Variants in NFKB1 observed in about 807,000 individuals in gnomAD.
NFKB1 encodes the protein nuclear factor NF-kappa-B p105 subunit.
A neutral mutation model predicts 105.1 loss-of-function variants in NFKB1; 9 were observed. The observed-to-expected ratio is 0.09, with a 90% CI of 0.05 to 0.15. The LOEUF (loss-of-function observed/expected upper bound fraction) is 0.15, where lower values mean the gene tolerates loss of function less well. Ranked by LOEUF, NFKB1 falls within the 10% of genes least tolerant of loss-of-function variation. The probability of loss-of-function intolerance (pLI) is 1.00; values close to 1 mark genes in which losing one functional copy is unlikely to be tolerated. For missense variants in NFKB1, 830 were observed against 1,203.7 expected (o/e 0.69, Z 4.59); for synonymous variants, 440 against 442.2 (o/e 1.00, Z 0.06).
chr4:102,589,572 G>A (rs1726003914), intron 11 of NFKB1, among the ~76,000 whole-genome samples: 1 of 151,766 alleles, frequency 6.6e-6, no homozygotes. Flanking sequence ...TCTTTCAACT[G>A]CAGTTAGATG....
chr4:102,563,949 G>A (rs1175907883), intron 5 of NFKB1, among the ~76,000 whole-genome samples: 1 of 150,980 alleles, frequency 6.6e-6, no homozygotes, highest in Non-Finnish European at 1.5e-5. Context: ...CTGCCGAATA[G>A]CTGGGATTAC....
chr4:102,531,539 A>G lies in NFKB1; in HGVS notation c.118+1625A>G, dbSNP rs77839426. On this transcript the variant is annotated intron_variant, in intron 3 of 23. Transcript: ENST00000226574. Reference sequence around the variant, plus strand: ...AGATTTTTTGAAATCTAAAACCTTTAGTAGATCTAGTACTTGTTGAAGACT... The same window carrying G: ...AGATTTTTTGAAATCTAAAACCTTTGGTAGATCTAGTACTTGTTGAAGACT... Among the ~76,000 whole-genome samples, 423 of 152,312 alleles carry G rather than the reference A, an allele frequency of 2.8e-3. 7 individuals are homozygous for G. The East Asian group carries it at 0.045, about 16-fold the overall frequency.
At chr4:102,607,626 TTC>T in intron 18 of NFKB1, 21 bp from the exon 19 acceptor site, 1 of 1,611,710 alleles carries the variant, frequency 6.2e-7, no homozygotes, top group Non-Finnish European at 8.5e-7. Context: ...CACTAACGCT[TTC>T]TTGTGTGGGC....
chr4:102,602,257 G>A (rs936137597), intron 16 of NFKB1, among the ~76,000 whole-genome samples: 1 of 151,808 alleles, frequency 6.6e-6, no homozygotes, highest in Admixed American at 6.6e-5. Flanking sequence ...TAGGCTGGGT[G>A]CGGTGGCTCA....
intron 5 of NFKB1, among the ~76,000 whole-genome samples, chr4:102,548,570 G>T (rs1468239620): frequency 6.6e-6 from 1 of 152,162 alleles, no homozygotes; most frequent in African/African-American, 2.4e-5. Flanking sequence ...GCCATAACAA[G>T]TTACCACAAA....
rs1010881701 is a variant in NFKB1 at position 102,604,787 on chromosome 4, C to T, written c.1753-1709C>T. On this transcript the variant is annotated intron_variant, in intron 16 of 23. Coordinates refer to ENST00000226574, the MANE Select transcript of NFKB1 (RefSeq NM_003998.4). ...TGTGGATTTGTGTCAGAATTTCACC[C>T]AGATACATCTGCAAGAGTTGGGTTG... 2.6e-5 allele frequency among the ~76,000 whole-genome samples: 4 copies of T among 152,010 alleles called. No individual in the cohort carries two copies. In the South Asian group the frequency reaches 6.2e-4, roughly 24 times the overall value.
intron 5 of NFKB1, among the ~76,000 whole-genome samples, chr4:102,566,132 A>G (rs1443061006): frequency 2.6e-5 from 4 of 152,184 alleles, no homozygotes; most frequent in Admixed American, 2.0e-4. Flanking sequence ...TACAGGGGCT[A>G]GGTGACTAAG....
chr4:102,606,437 T>G, intron 16 of NFKB1, 59 bp from the exon 17 acceptor site: 17 of 1,512,258 alleles, frequency 1.1e-5, no homozygotes, highest in East Asian at 2.3e-5. Context: ...TACCAAGCTG[T>G]GAGTTGTAAG....
intron 5 of NFKB1, among the ~76,000 whole-genome samples, chr4:102,553,237 A>G (rs962045835): frequency 2.6e-5 from 4 of 152,190 alleles, no homozygotes; most frequent in Non-Finnish European, 5.9e-5. Context: ...TCAATAATTA[A>G]GAACCTAATT....
chr4:102,541,976 A>G (rs1742025945), intron 5 of NFKB1, among the ~76,000 whole-genome samples: 1 of 152,148 alleles, frequency 6.6e-6, no homozygotes, highest in Non-Finnish European at 1.5e-5. Flanking sequence ...ACAGCAGGAA[A>G]GAGTCAGGGG....
intron 2 of NFKB1, among the ~76,000 whole-genome samples, chr4:102,526,987 A>G (rs1401690229): frequency 6.6e-6 from 1 of 151,748 alleles, no homozygotes; most frequent in Non-Finnish European, 1.5e-5. Context: ...TTTGGAAGCA[A>G]TTTTCAGACT....
At chr4:102,534,746 A>G (rs1322594126) in intron 4 of NFKB1, among the ~76,000 whole-genome samples, 1 of 152,206 alleles carries the variant, frequency 6.6e-6, no homozygotes, top group Non-Finnish European at 1.5e-5. Flanking sequence ...GTCCTCTTGC[A>G]GCTGTATTAC....
chr4:102,612,756 T>A (rs998663543), intron 22 of NFKB1, 150 bp downstream of exon 22: 4 of 659,250 alleles, frequency 6.1e-6, no homozygotes, highest in East Asian at 2.8e-5. Context: ...CCAGGCCAAG[T>A]TGGCAGCCCA....
intron 11 of NFKB1, among the ~76,000 whole-genome samples, chr4:102,590,885 C>T (rs185274929): frequency 1.3e-5 from 2 of 152,324 alleles, no homozygotes; most frequent in East Asian, 3.9e-4. Context: ...AGCTAGGCCT[C>T]TTGTGCCAGT....
intron 6 of NFKB1, among the ~76,000 whole-genome samples, chr4:102,570,386 G>C (rs762005894): frequency 1.3e-5 from 2 of 152,102 alleles, no homozygotes; most frequent in African/African-American, 4.8e-5. Flanking sequence ...CAAAACATAT[G>C]ATCTTATTCT....
chr4:102,551,833 A>G (rs140816722), intron 5 of NFKB1, among the ~76,000 whole-genome samples: 1 of 152,226 alleles, frequency 6.6e-6, no homozygotes, highest in Non-Finnish European at 1.5e-5. Flanking sequence ...TTGAATTCAA[A>G]TTAATTTTGA....
intron 11 of NFKB1, among the ~76,000 whole-genome samples, chr4:102,591,851 A>G (rs144926205): frequency 6.6e-5 from 10 of 152,360 alleles, no homozygotes; most frequent in Non-Finnish European, 1.2e-4. Flanking sequence ...TGCCGTAGAT[A>G]GTGATTACTC....
At chr4:102,609,208 T>C (rs1319070286) in intron 19 of NFKB1, among the ~76,000 whole-genome samples, 1 of 145,292 alleles carries the variant, frequency 6.9e-6, no homozygotes, top group East Asian at 2.1e-4. Flanking sequence ...AAAAATGCTT[T>C]ATATTGAATT....
intron 5 of NFKB1, among the ~76,000 whole-genome samples, chr4:102,544,096 A>AAATTTAGTGTGTG (rs1173766189): frequency 0.017 from 2,654 of 152,180 alleles, 39 homozygotes; most frequent in African/African-American, 0.044. Context: ...CTAAATTTAT[A>AAATTTAGTGTGTG]TGCAGACTTA....
Sources: allele counts gnomAD v4.1 joint callset (sites outside exome capture counted in the v4.1 genomes callset), GRCh38; gene constraint gnomAD v4.1.1; transcripts MANE v1.5; gene names NCBI Gene and HGNC (gene_info 2026-07-23, HGNC 2026-07-21).